Variants in RALGPS1 observed in about 807,000 individuals in gnomAD.
The protein encoded by RALGPS1 is ras-specific guanine nucleotide-releasing factor RalGPS1.
A neutral mutation model predicts 78.8 loss-of-function variants in RALGPS1; 19 were observed. That is an observed-to-expected ratio of 0.24 (90% CI 0.17 to 0.35). RALGPS1 has a LOEUF of 0.35. Ranked by LOEUF, RALGPS1 falls within the 10% of genes least tolerant of loss-of-function variation. RALGPS1 has a pLI of 1.00. For synonymous variants in RALGPS1, 228 were observed against 256.3 expected, an observed-to-expected ratio of 0.89 and a Z score of 1.06; for missense variants, 454 against 688.3, an observed-to-expected ratio of 0.66 and a Z score of 3.81.
intron 8 of RALGPS1, among the ~76,000 whole-genome samples, chr9:127,100,941 A>G (rs1033593190): frequency 5.3e-5 from 8 of 152,174 alleles, no homozygotes. Context: ...ACCACAAGCC[A>G]GTTGTATGTG....
chr9:127,058,773 A>T (rs1320100238), intron 7 of RALGPS1, among the ~76,000 whole-genome samples: 3 of 152,308 alleles, frequency 2.0e-5, no homozygotes, highest in African/African-American at 7.2e-5. Flanking sequence ...ACGTGTGCGC[A>T]TGTACATAAA....
chr9:127,128,627 A>G (rs1027208134), intron 8 of RALGPS1, among the ~76,000 whole-genome samples: 3 of 152,242 alleles, frequency 2.0e-5, no homozygotes, highest in Non-Finnish European at 4.4e-5. Context: ...CCATCAGTCC[A>G]GATTTAATAA....
At chr9:126,977,258 C>T (rs2040754451) in intron 3 of RALGPS1, among the ~76,000 whole-genome samples, 3 of 152,114 alleles carry the variant, frequency 2.0e-5, no homozygotes, top group Admixed American at 6.5e-5. Context: ...TTCTATAAGC[C>T]ACAGCTTTAA....
intron 14 of RALGPS1, among the ~76,000 whole-genome samples, chr9:127,208,970 GACTC>G (rs1036679434): frequency 2.0e-5 from 3 of 152,204 alleles, no homozygotes; most frequent in African/African-American, 7.2e-5. Context: ...CGGGGAAAAA[GACTC>G]ACGAGAAGAA....
intron 11 of RALGPS1, among the ~76,000 whole-genome samples, chr9:127,182,881 T>G (rs1233078098): frequency 6.6e-6 from 1 of 152,140 alleles, no homozygotes; most frequent in Non-Finnish European, 1.5e-5. Context: ...GCTGAGTAAT[T>G]TATTTTAAAA....
At chr9:127,158,692 C>G (rs1160114612) in intron 8 of RALGPS1, among the ~76,000 whole-genome samples, 1 of 141,092 alleles carries the variant, frequency 7.1e-6, no homozygotes. Context: ...TTTTCTAGTT[C>G]TATATAATGA....
At position 126,964,093 on chromosome 9, in the gene RALGPS1, C is replaced by G. The variant is rs367891911; in HGVS notation, c.57+1747C>G. 2.0e-5 allele frequency among the ~76,000 whole-genome samples: 3 copies of G among 151,870 alleles called. No individual in the cohort carries two copies. In the East Asian group the frequency reaches 5.8e-4, roughly 30 times the overall value. On this transcript the variant is annotated intron_variant, in intron 2 of 18. Coordinates refer to ENST00000259351, the MANE Select transcript of RALGPS1 (RefSeq NM_014636.3). ...CATGCCTGGGCTGGGTGTGGTGGCT[C>G]ATGCTTGTAATCCCAGCACTTTGGG...
intron 8 of RALGPS1, among the ~76,000 whole-genome samples, chr9:127,146,247 C>T (rs2058086669): frequency 6.6e-6 from 1 of 152,166 alleles, no homozygotes; most frequent in African/African-American, 2.4e-5. Flanking sequence ...TAATAGTCCA[C>T]AGTGCCTGTT....
At chr9:127,049,713 A>G (rs1283551040) in intron 5 of RALGPS1, among the ~76,000 whole-genome samples, 4 of 152,150 alleles carry the variant, frequency 2.6e-5, no homozygotes, top group African/African-American at 9.7e-5. Context: ...CTGAGCAGGA[A>G]TTCAGTCTGA....
intron 8 of RALGPS1, among the ~76,000 whole-genome samples, chr9:127,115,902 G>A (rs563549334): frequency 3.9e-5 from 6 of 152,310 alleles, no homozygotes; most frequent in African/African-American, 7.2e-5. Context: ...CCATCAGCCC[G>A]GAGGCCAGGG....
In RALGPS1 at chr9:127,059,064, G is replaced by T. The variant is rs546227153; in HGVS notation, c.483+6125G>T. Among the ~76,000 whole-genome samples, 14 of 152,276 alleles carry T rather than the reference G, an allele frequency of 9.2e-5. 1 individual carries two copies. The South Asian group carries it at 2.9e-3, about 32-fold the overall frequency. ...CAGTCATTGAGCTCTGCAATTCAGA[G>T]AATTGCTCCTTGTACCAAAAGAACT... On this transcript the variant is annotated intron_variant, in intron 7 of 18. Coordinates refer to ENST00000259351, the MANE Select transcript of RALGPS1 (RefSeq NM_014636.3).
intron 8 of RALGPS1, among the ~76,000 whole-genome samples, chr9:127,139,050 C>T (rs912529664): frequency 6.6e-5 from 10 of 152,118 alleles, no homozygotes; most frequent in Non-Finnish European, 2.9e-5. Flanking sequence ...TAATTTGGCC[C>T]CTGCACCTCA....
At chr9:127,059,906 T>G (rs2049056111) in intron 7 of RALGPS1, among the ~76,000 whole-genome samples, 1 of 152,122 alleles carries the variant, frequency 6.6e-6, no homozygotes. Flanking sequence ...CCCAGTCTCC[T>G]GCTTCAAACA....
chr9:127,109,049 A>G (rs892161147), intron 8 of RALGPS1, among the ~76,000 whole-genome samples: 1 of 152,204 alleles, frequency 6.6e-6, no homozygotes, highest in African/African-American at 2.4e-5. Context: ...TCCCAGAGCC[A>G]GCTCCAATGC....
At chr9:127,184,371 A>T (rs2060497892) in intron 11 of RALGPS1, 1 of 315,614 alleles carries the variant, frequency 3.2e-6, no homozygotes, top group South Asian at 2.8e-5. Flanking sequence ...GATGTGTGAG[A>T]CAGCTCTTGG....
At chr9:127,203,521 G>C (rs60318802) in intron 14 of RALGPS1, among the ~76,000 whole-genome samples, 1,996 of 152,220 alleles carry the variant, frequency 0.013, 41 homozygotes, top group African/African-American at 0.045. Context: ...GGGGATGGGG[G>C]GGTCCTTGGA....
chr9:127,219,074 G>T lies in RALGPS1; in HGVS notation c.*305G>T. Reference sequence around the variant, plus strand: ...TGCGACTAGAGAGCACCCGGCCCACGTTGGGTTCTCAGTGCTTTCTACTGC... The same window carrying T: ...TGCGACTAGAGAGCACCCGGCCCACTTTGGGTTCTCAGTGCTTTCTACTGC... On this transcript the variant is annotated 3_prime_UTR_variant, in exon 19 of 19. Coordinates refer to ENST00000259351, the MANE Select transcript of RALGPS1 (RefSeq NM_014636.3). This position sits in a 1 kb window ranked among gnomAD's most constrained non-coding sequence, Gnocchi z 5.0. 2.2e-6 allele frequency: 1 copy of T among 463,772 alleles called. No homozygotes were observed. The highest frequency in any genetic ancestry group is 4.0e-6 in the Non-Finnish European group (1 of 250,750). The allele number at this position is 463,772 out of a possible 1,614,324, so 28.7% of individuals were successfully genotyped here. A position where few individuals can be genotyped will look rare whatever the true frequency, so the allele number is the denominator to read the frequency against.
Position 127,105,485 on chromosome 9 carries a change from C to T in RALGPS1, c.610+36129C>T, listed in dbSNP as rs74681755. 4.5e-3 allele frequency among the ~76,000 whole-genome samples: 679 copies of T among 152,286 alleles called. 5 individuals are homozygous for T. The highest frequency in any genetic ancestry group is 0.015 in the African/African-American group (641 of 41,552). On this transcript the variant is annotated intron_variant, in intron 8 of 18. Transcript: ENST00000259351. ...ACTAGTCACTTGGGTTCCCAACTCC[C>T]AGGTCTGCCTGGTAAAATCTTACAA...
chr9:127,144,254 A>AG (rs2057965173), intron 8 of RALGPS1, among the ~76,000 whole-genome samples: 1 of 152,144 alleles, frequency 6.6e-6, no homozygotes, highest in Non-Finnish European at 1.5e-5. Flanking sequence ...ACCCAGCATT[A>AG]GCTCCTGGAC....
Sources: gnomAD v4.1 joint callset for allele counts (sites outside exome capture counted in the v4.1 genomes callset) on GRCh38, gnomAD v4.1.1 for gene constraint, Gnocchi (gnomAD v3.1) non-coding constraint, MANE v1.5 for transcripts, NCBI Gene and HGNC (gene_info 2026-07-23, HGNC 2026-07-21) for gene names.